ODAD3: variants seen among roughly 807,000 people sequenced by gnomAD.
ODAD3 encodes the protein outer dynein arm docking complex subunit 3, also known as outer dynein arm-docking complex subunit 3.
Under a neutral mutation model 70.9 loss-of-function variants are expected in ODAD3, and 57 were observed. The ratio of observed to expected loss-of-function variants is 0.80; its 90% CI spans 0.65 to 1.00. ODAD3 has a LOEUF of 1.00. Among genes scored for constraint, ODAD3 ranks in the 50% least tolerant of loss-of-function variants. ODAD3 has a pLI of 0.00. For synonymous variants in ODAD3, 327 were observed against 315.9 expected, an observed-to-expected ratio of 1.04 and a Z score of -0.37; for missense variants, 797 against 763.9, an observed-to-expected ratio of 1.04 and a Z score of -0.51.
rs201772994 is a variant in ODAD3, at chr19:11,426,675, G to C, written c.714+8C>G. On this transcript the variant is annotated splice_region_variant and intron_variant, in intron 5 of 12. Coordinates refer to ENST00000356392, the MANE Select transcript of ODAD3 (RefSeq NM_145045.5). ...TTGTCATCTCACCCGAGCCCTCCTA[G>C]TCCCTACCATTAGATAGGCCTTGAG... The C allele has an allele frequency of 2.0e-5, 32 of 1,613,728 alleles. No homozygotes were observed. The highest frequency in any genetic ancestry group is 2.5e-5 in the Non-Finnish European group (30 of 1,179,900).
intron 1 of ODAD3, among the ~76,000 whole-genome samples, chr19:11,433,710 T>C (rs1174269987): frequency 1.3e-5 from 2 of 152,098 alleles, no homozygotes; most frequent in South Asian, 2.1e-4. Context: ...AAGGATTGCT[T>C]GAGCCCAGGA....
At chr19:11,432,377 T>C (rs1969521506) in intron 1 of ODAD3, among the ~76,000 whole-genome samples, 1 of 151,952 alleles carries the variant, frequency 6.6e-6, no homozygotes, top group Non-Finnish European at 1.5e-5. Flanking sequence ...GCCTCCCAAG[T>C]AGCTAGGACT....
In ODAD3 at chr19:11,429,703, C is replaced by T. The variant is rs112266380; in HGVS notation, c.444+996G>A. On this transcript the variant is annotated intron_variant, in intron 3 of 12. Coordinates refer to ENST00000356392, the MANE Select transcript of ODAD3 (RefSeq NM_145045.5). ...GATTACAGGCATGAGCCACCGCGCCCGGCCTTTTGTATTTTTAGTAGAGAC... is the reference window on the plus strand; with the variant it reads ...GATTACAGGCATGAGCCACCGCGCCTGGCCTTTTGTATTTTTAGTAGAGAC... Among the ~76,000 whole-genome samples the T allele has an allele frequency of 6.8e-3, 1,035 of 152,198 alleles. 14 individuals are homozygous for T. Among genetic ancestry groups the T allele is most frequent in the African/African-American group, 0.024 (978 of 41,516 alleles).
At chr19:11,435,541 C>T, upstream of ODAD3, 2 of 539,734 alleles carry the variant, frequency 3.7e-6, no homozygotes, top group South Asian at 1.7e-5. Context: ...GGCACCGCCC[C>T]CACTCCTGCC....
At chr19:11,433,730 C>T (rs1037915927) in intron 1 of ODAD3, among the ~76,000 whole-genome samples, 1 of 152,024 alleles carries the variant, frequency 6.6e-6, no homozygotes, top group Non-Finnish European at 1.5e-5. Context: ...AGTTTGAGAC[C>T]AGCCTGGGCA....
chr19:11,427,161 C>T (rs1314138910), intron 3 of ODAD3, 121 bp from the exon 4 acceptor site: 8 of 1,105,868 alleles, frequency 7.2e-6, no homozygotes, highest in Admixed American at 2.9e-5. Flanking sequence ...CCGTTTTCTA[C>T]CCACCTCCCT....
At chr19:11,425,397 A>G (rs1051257826) in intron 7 of ODAD3, among the ~76,000 whole-genome samples, 1,559 of 136,642 alleles carry the variant, frequency 0.011, 61 homozygotes, top group Non-Finnish European at 0.017. Flanking sequence ...ACATATGTGT[A>G]TATGTATATA....
rs779209740 is a variant in ODAD3 at position 11,421,710 on chromosome 19, C to T, written c.1557G>A (p.Val519=). 2.9e-5 allele frequency: 47 copies of T among 1,613,188 alleles called. No individual in the cohort carries two copies. The highest frequency in any genetic ancestry group is 5.0e-5 in the Admixed American group (3 of 60,002). ...KLQAQLQGHD[V]QEMLCHIANR... Reference sequence around the variant, plus strand: ...TAGCGATGTGGCACAGCATCTCCTGCACGTCGTGGCCCTGGAGCTGCGCCT... The same window carrying T: ...TAGCGATGTGGCACAGCATCTCCTGTACGTCGTGGCCCTGGAGCTGCGCCT... The change falls in exon 11 of 13, where the codon GTG becomes GTA. Residue 519 remains valine, a synonymous_variant. Transcript: ENST00000356392.
In ODAD3 at chr19:11,434,534, C is replaced by CA. The variant is rs35624049; in HGVS notation, c.244+238dup. ...ACCTGGCAACAGAGTGAGATTCTGC[C>CA]AAAAAAAAAAAAAAAAATAGAGAAA... On this transcript the variant is annotated intron_variant, in intron 1 of 12. Coordinates refer to ENST00000356392, the MANE Select transcript of ODAD3 (RefSeq NM_145045.5). The CA allele has an allele frequency of 0.097, 17,265 of 177,204 alleles. 488 individuals carry two copies. The highest frequency in any genetic ancestry group is 0.2 in the East Asian group (1,856 of 9,068). 11.0% of individuals were successfully genotyped at this position (177,204 alleles called of 1,614,324 possible). A position where few individuals can be genotyped will look rare whatever the true frequency, so the allele number is the denominator to read the frequency against.
In ODAD3 at chr19:11,421,527, G is replaced by A; in HGVS notation, c.1590+150C>T. The A allele has an allele frequency of 6.4e-6, 7 of 1,089,060 alleles. No individual in the cohort carries two copies. The South Asian group carries it at 1.1e-4, about 17-fold the overall frequency. The allele number at this position is 1,089,060 out of a possible 1,614,324, so 67.5% of individuals were successfully genotyped here. The stretch of plus-strand genomic sequence containing the variant: ...TCCCTCGTGGCTCGGGCTCACCCCT[G>A]GCTCGTCAAACCTCGCCCGTTGTCC... On this transcript the variant is annotated intron_variant, in intron 11 of 12. Transcript: ENST00000356392.
At chr19:11,434,180 T>C in intron 1 of ODAD3, among the ~76,000 whole-genome samples, 1 of 141,030 alleles carries the variant, frequency 7.1e-6, no homozygotes, top group Admixed American at 7.3e-5. Context: ...GCCACTGCTC[T>C]CCAGCCTAGG....
At chr19:11,430,605 G>A (rs1969481511) in intron 3 of ODAD3, 94 bp downstream of exon 3, 2 of 1,138,700 alleles carry the variant, frequency 1.8e-6, no homozygotes, top group Admixed American at 3.4e-5. Flanking sequence ...GGCAGCTAGT[G>A]TGCAGGAAGG....
chr19:11,435,365 T>C (rs1028184829), upstream of ODAD3: 1 of 475,042 alleles, frequency 2.1e-6, no homozygotes, highest in African/African-American at 2.0e-5. Flanking sequence ...CCCCCAACCT[T>C]ATCCCGCCCC....
chr19:11,425,459 G>T (rs1487560044), intron 7 of ODAD3, among the ~76,000 whole-genome samples: 1 of 138,022 alleles, frequency 7.2e-6, no homozygotes, highest in Non-Finnish European at 1.5e-5. Flanking sequence ...ACATATATGT[G>T]TGTGTATATA....
In ODAD3 at chr19:11,426,736, G is replaced by A. The variant is rs976974004; in HGVS notation, c.661C>T (p.Gln221Ter). Reference protein sequence around the residue: ...NRLEKAQMKAQEAEHITSVYL... With the variant: ...NRLEKAQMKA ...ACGCTGGTAATGTGCTCGGCCTCCT[G>A]CGCCTTCATCTGGGCCTTCTCCAGG... The change falls in exon 5 of 13, where the codon CAG becomes TAG. Residue 221 changes from glutamine to a stop codon, truncating the protein, a stop_gained. Coordinates refer to ENST00000356392, the MANE Select transcript of ODAD3 (RefSeq NM_145045.5). LOFTEE classifies it high-confidence loss of function. 2 of 1,613,892 alleles carry A rather than the reference G, an allele frequency of 1.2e-6. No homozygotes were observed. The highest frequency in any genetic ancestry group is 2.2e-5 in the East Asian group (1 of 44,874).
Position 11,422,928 on chromosome 19 carries a change from C to T in ODAD3, c.1117-67G>A. On this transcript the variant is annotated intron_variant, in intron 8 of 12. Coordinates refer to ENST00000356392, the MANE Select transcript of ODAD3 (RefSeq NM_145045.5). This position sits in a 1 kb window ranked among gnomAD's most constrained non-coding sequence, Gnocchi z 4.6. ...GCGTAGGGGCGCTCCACCTCCTCTCCCCCACCCTGCGAACCCTCGCACGCA... is the reference window on the plus strand; with the variant it reads ...GCGTAGGGGCGCTCCACCTCCTCTCTCCCACCCTGCGAACCCTCGCACGCA... 3 of 1,537,492 alleles carry T rather than the reference C, an allele frequency of 2.0e-6. No individual in the cohort carries two copies. The highest frequency in any genetic ancestry group is 1.2e-5 in the South Asian group (1 of 85,512).
Position 11,421,178 on chromosome 19 carries a change from T to C in ODAD3, c.1625A>G (p.Tyr542Cys), listed in dbSNP as rs774250958. ...AAGGGGCAGGGCGATGCGGGTGTTG[T>C]ATTCGGGCAGCCTTCCCTCTAAGCT... ...LASLEGRLPE[Y>C]NTRIALPLAT... is the part of the protein sequence containing the mutation. The change falls in exon 12 of 13, where the codon TAC becomes TGC. Residue 542 changes from tyrosine (Y) to cysteine (C), a missense_variant. Tyr to Cys is a radical substitution (Grantham distance 194). Transcript: ENST00000356392. 1.9e-6 allele frequency: 3 copies of C among 1,613,618 alleles called. No homozygotes were observed. In the South Asian group the frequency reaches 3.3e-5, roughly 18 times the overall value.
At position 11,422,878 on chromosome 19, in the gene ODAD3, C is replaced by G. The variant is rs979262628; in HGVS notation, c.1117-17G>C. Reference sequence around the variant, plus strand: ...CACCAACGACTGCGGGCCACCCAGCCCCAGTCAGAGCCAGGGCCTAGGGAG... The same window carrying G: ...CACCAACGACTGCGGGCCACCCAGCGCCAGTCAGAGCCAGGGCCTAGGGAG... On this transcript the variant is annotated splice_polypyrimidine_tract_variant and intron_variant, in intron 8 of 12. Transcript: ENST00000356392. The surrounding 1 kb of genome is among the most constrained non-coding windows in gnomAD (Gnocchi z 4.6). 1 of 1,599,408 alleles carries G rather than the reference C, an allele frequency of 6.3e-7. No individual in the cohort carries two copies. Among genetic ancestry groups the G allele is most frequent in the South Asian group, 1.1e-5 (1 of 90,912 alleles).
Position 11,425,651 on chromosome 19 carries a change from G to GTATA in ODAD3, c.963+489_963+492dup, listed in dbSNP as rs373377382. On this transcript the variant is annotated intron_variant, in intron 7 of 12. Transcript: ENST00000356392. ...CATATATGTATATATATGTATATACGTATATATATATATATATATGCAAAA... is the reference window on the plus strand; with the variant it reads ...CATATATGTATATATATGTATATACGTATATATATATATATATATATATGCAAAA... 1.4e-3 allele frequency among the ~76,000 whole-genome samples: 172 copies of GTATA among 123,448 alleles called. 2 individuals carry two copies. The highest frequency in any genetic ancestry group is 0.012 in the Middle Eastern group (3 of 256). 81.0% of individuals were successfully genotyped at this position (123,448 alleles called of 152,430 possible).
Sources: allele counts gnomAD v4.1 joint callset (sites outside exome capture counted in the v4.1 genomes callset), GRCh38; gene constraint gnomAD v4.1.1; non-coding constraint Gnocchi (gnomAD v3.1); transcripts MANE v1.5; gene names NCBI Gene and HGNC (gene_info 2026-07-23, HGNC 2026-07-21).